The following NFIA variants were observed in gnomAD, a reference collection of about 807,000 sequenced individuals.
NFIA encodes nuclear factor I A.
In NFIA, 8 loss-of-function variants were observed where a neutral mutation model predicts 62.8. The observed-to-expected ratio is 0.13, with a 90% CI of 0.07 to 0.23. The LOEUF is 0.23. Ranked by LOEUF, NFIA falls within the 10% of genes least tolerant of loss-of-function variation. NFIA has a pLI of 1.00. For missense variants in NFIA, 410 were observed against 642.1 expected (o/e 0.64, Z 3.91); for synonymous variants, 235 against 238.1 (o/e 0.99, Z 0.12).
At position 61,126,462 on chromosome 1, in the gene NFIA, A is replaced by ACACACACACACACACACACACACT. The variant is rs35045816; in HGVS notation, c.559+37795_559+37796insACACACACACTCACACACACACAC. On this transcript the variant is annotated intron_variant, in intron 2 of 10. Coordinates refer to ENST00000403491, the MANE Select transcript of NFIA (RefSeq NM_001134673.4). ...AACACACACACACACACACACACAC[A>ACACACACACACACACACACACACT]CACACACACACACTCACAGAAATAT... 2.1e-3 allele frequency among the ~76,000 whole-genome samples: 303 copies of ACACACACACACACACACACACACT among 145,910 alleles called. 3 individuals carry two copies. In the East Asian group the frequency reaches 0.038, roughly 18 times the overall value.
intron 2 of NFIA, among the ~76,000 whole-genome samples, chr1:61,141,968 C>T (rs1647568529): frequency 6.6e-6 from 1 of 152,034 alleles, no homozygotes; most frequent in Admixed American, 6.6e-5. Flanking sequence ...AACAGAATGG[C>T]GGATCTGTTA....
chr1:61,363,288 T>G (rs956393795), intron 6 of NFIA, among the ~76,000 whole-genome samples: 2 of 152,214 alleles, frequency 1.3e-5, no homozygotes, highest in Non-Finnish European at 2.9e-5. Flanking sequence ...TAGGGTCTCA[T>G]GTCCTGGACT....
intron 2 of NFIA, among the ~76,000 whole-genome samples, chr1:61,264,511 C>A (rs1181170112): frequency 1.3e-5 from 2 of 151,628 alleles, no homozygotes; most frequent in Non-Finnish European, 2.9e-5. Flanking sequence ...AAGAGCTGGG[C>A]ATGGAGGTGG....
intron 2 of NFIA, among the ~76,000 whole-genome samples, chr1:61,116,171 T>C (rs1424471283): frequency 6.6e-6 from 1 of 152,156 alleles, no homozygotes; most frequent in Non-Finnish European, 1.5e-5. Context: ...GACCCTAAAA[T>C]AACCTTGGAG....
At chr1:61,353,192 A>G (rs2100431871) in intron 5 of NFIA, among the ~76,000 whole-genome samples, 1 of 152,184 alleles carries the variant, frequency 6.6e-6, no homozygotes, top group Non-Finnish European at 1.5e-5. Flanking sequence ...AACCCATTTG[A>G]TATCCTGGTG....
At position 61,430,899 on chromosome 1, in the gene NFIA, A is replaced by G. The variant is rs184583479; in HGVS notation, c.1512+4343A>G. ...CTCCTTCTCCATATTGTAACTGATC[A>G]CTGAGATGAGAGGTGGCCACCTCCC... On this transcript the variant is annotated intron_variant, in intron 10 of 10. Transcript: ENST00000403491. Among the ~76,000 whole-genome samples the G allele has an allele frequency of 1.4e-3, 215 of 152,018 alleles. 1 individual carries two copies. Among genetic ancestry groups the G allele is most frequent in the African/African-American group, 5.0e-3 (208 of 41,450 alleles).
intron 6 of NFIA, among the ~76,000 whole-genome samples, chr1:61,376,570 A>G (rs1664159752): frequency 6.6e-6 from 1 of 152,160 alleles, no homozygotes; most frequent in Admixed American, 6.5e-5. Flanking sequence ...GAAAACTTTG[A>G]TATATAAGAC....
intron 7 of NFIA, among the ~76,000 whole-genome samples, chr1:61,397,906 A>G (rs564302284): frequency 5.3e-5 from 8 of 152,276 alleles, no homozygotes; most frequent in African/African-American, 1.2e-4. Context: ...CAGACAATCA[A>G]AAGTCTACCG....
intron 2 of NFIA, among the ~76,000 whole-genome samples, chr1:61,185,375 G>A (rs1651097581): frequency 6.6e-6 from 1 of 152,118 alleles, no homozygotes; most frequent in African/African-American, 2.4e-5. Context: ...GAAAAAAAGG[G>A]GAATATCTCC....
intron 2 of NFIA, among the ~76,000 whole-genome samples, chr1:61,221,253 G>A (rs1486046649): frequency 6.6e-6 from 1 of 152,004 alleles, no homozygotes; most frequent in South Asian, 2.1e-4. Context: ...TTATTATTGA[G>A]GAAGAGGTGC....
chr1:61,433,454 C>CTT (rs377088662), intron 10 of NFIA, among the ~76,000 whole-genome samples: 5 of 146,354 alleles, frequency 3.4e-5, no homozygotes, highest in African/African-American at 7.5e-5. Flanking sequence ...TTGTTGGTTT[C>CTT]TTTTTTTTTT....
chr1:61,414,107 T>C (rs939697147), intron 9 of NFIA, among the ~76,000 whole-genome samples: 11 of 152,096 alleles, frequency 7.2e-5, no homozygotes, highest in African/African-American at 2.7e-4. Flanking sequence ...CTCAGCCTCC[T>C]GAGTAGCTGG....
In NFIA at chr1:61,297,040, C is replaced by T. The variant is rs543648697; in HGVS notation, c.625+19455C>T. ...GGAGAAGAGCTTCCTTTTGTTAAAT[C>T]GTTCATTTATTCCACTGGCCTAATG... On this transcript the variant is annotated intron_variant, in intron 3 of 10. Coordinates refer to ENST00000403491, the MANE Select transcript of NFIA (RefSeq NM_001134673.4). 4.6e-5 allele frequency among the ~76,000 whole-genome samples: 7 copies of T among 152,272 alleles called. No homozygotes were observed. In the East Asian group the frequency reaches 1.2e-3, roughly 25 times the overall value.
intron 2 of NFIA, among the ~76,000 whole-genome samples, chr1:61,109,463 A>G (rs1320702027): frequency 6.6e-6 from 1 of 150,726 alleles, no homozygotes; most frequent in African/African-American, 2.4e-5. Context: ...TAGGCAGAGT[A>G]ATAATATTTA....
intron 2 of NFIA, among the ~76,000 whole-genome samples, chr1:61,166,171 A>C (rs1048294903): frequency 3.3e-5 from 5 of 152,206 alleles, no homozygotes; most frequent in African/African-American, 1.2e-4. Context: ...GGAAGAAAAG[A>C]GTAGGGAAAC....
chr1:61,433,056 C>T (rs1420405599), intron 10 of NFIA, among the ~76,000 whole-genome samples: 2 of 152,080 alleles, frequency 1.3e-5, no homozygotes, highest in Non-Finnish European at 2.9e-5. Context: ...ATCTGCATCC[C>T]CAGTTGTTTG....
At chr1:61,445,586 A>T (rs1226656895) in intron 10 of NFIA, among the ~76,000 whole-genome samples, 1 of 152,154 alleles carries the variant, frequency 6.6e-6, no homozygotes, top group Non-Finnish European at 1.5e-5. Context: ...ATCCTACCAC[A>T]TCCTCAGAAG....
chr1:61,367,927 ATAAG>A (rs772715379), intron 6 of NFIA, among the ~76,000 whole-genome samples: 33 of 152,314 alleles, frequency 2.2e-4, no homozygotes, highest in Non-Finnish European at 3.2e-4. Flanking sequence ...TGTTTAATAA[ATAAG>A]TAAATAATAA....
intron 2 of NFIA, among the ~76,000 whole-genome samples, chr1:61,117,879 A>G (rs1646818456): frequency 6.6e-6 from 1 of 152,108 alleles, no homozygotes; most frequent in African/African-American, 2.4e-5. Flanking sequence ...AGTGGGGCAC[A>G]AATTATGGAA....
Sources: allele counts gnomAD v4.1 joint callset (sites outside exome capture counted in the v4.1 genomes callset), GRCh38; gene constraint gnomAD v4.1.1; transcripts MANE v1.5; gene names NCBI Gene and HGNC (gene_info 2026-07-23, HGNC 2026-07-21).